The following STS variants were observed in gnomAD, a reference collection of about 807,000 sequenced individuals.
The protein encoded by STS is steryl-sulfatase.
Under a neutral mutation model 26.8 loss-of-function variants are expected in STS, and 7 were observed. That is an observed-to-expected ratio of 0.26 (90% CI 0.15 to 0.49). The LOEUF (loss-of-function observed/expected upper bound fraction) is 0.49. Ranked by LOEUF, STS falls within the 20% of genes least tolerant of loss-of-function variation. The pLI, the probability that STS is intolerant of heterozygous loss-of-function variation, is 0.98. For synonymous variants in STS, 199 were observed against 189.4 expected (o/e 1.05, Z -0.42); for missense variants, 434 against 465.6 (o/e 0.93, Z 0.63).
At chrX:7,183,492 C>A (rs757785783) in intron 1 of STS, among the ~76,000 whole-genome samples, 15 of 112,060 alleles carry the variant, frequency 1.3e-4, no homozygotes, top group Non-Finnish European at 2.4e-4. Flanking sequence ...ACTCACTGAA[C>A]TAGAATTTGA....
In STS at chrX:7,224,494, A is replaced by T. The variant is rs774801162; in HGVS notation, c.-4-28702A>T. Among the ~76,000 whole-genome samples the T allele has an allele frequency of 2.7e-5, 3 of 111,316 alleles. No individual in the cohort carries two copies. In the South Asian group the frequency reaches 1.2e-3, roughly 44 times the overall value. On this transcript the variant is annotated intron_variant, in intron 2 of 10. Transcript: ENST00000674429. ...AGGGGCCTTTGGAATGTGATTAATC[A>T]TGAGGGGTTTGTCCTGAAAAATGGG...
intron 1 of STS, among the ~76,000 whole-genome samples, chrX:7,181,586 C>A (rs1318977490): frequency 3.6e-5 from 4 of 111,735 alleles, no homozygotes; most frequent in Non-Finnish European, 5.6e-5. Flanking sequence ...GGACTGTGAA[C>A]CTGGGCATCC....
At chrX:7,208,138 A>G (rs1920963580) in intron 2 of STS, among the ~76,000 whole-genome samples, 1 of 112,799 alleles carries the variant, frequency 8.9e-6, no homozygotes, top group Non-Finnish European at 1.9e-5. Flanking sequence ...GAAATACAGT[A>G]AAAATATGAG....
chrX:7,312,518 A>T (rs1359398207), intron 8 of STS, among the ~76,000 whole-genome samples: 1 of 111,036 alleles, frequency 9.0e-6, no homozygotes, highest in Non-Finnish European at 1.9e-5. Context: ...TCTCATCTTG[A>T]ATTGTAGCTC....
rs771796896 is a variant in STS at position 7,167,946 on chromosome X, A to G, written c.-134+19863A>G. Reference sequence around the variant, plus strand: ...TGGCCTGAAGTGATCCTCTCATCTCAGCCTCCCAAAATGCTGGGATTACAG... The same window carrying G: ...TGGCCTGAAGTGATCCTCTCATCTCGGCCTCCCAAAATGCTGGGATTACAG... On this transcript the variant is annotated intron_variant, in intron 1 of 10. Coordinates refer to ENST00000674429, the MANE Select transcript of STS (RefSeq NM_001320752.2). Among the ~76,000 whole-genome samples the G allele has an allele frequency of 1.7e-4, 19 of 110,421 alleles. No homozygotes were observed. In the South Asian group the frequency reaches 7.4e-3, roughly 43 times the overall value.
chrX:7,287,543 G>A (rs899172375), intron 7 of STS, among the ~76,000 whole-genome samples: 5 of 110,326 alleles, frequency 4.5e-5, no homozygotes, highest in African/African-American at 1.3e-4. Flanking sequence ...TTTTCTTTTC[G>A]CTCAACTATC....
intron 9 of STS, among the ~76,000 whole-genome samples, chrX:7,332,944 G>C (rs969031742): frequency 9.0e-6 from 1 of 111,636 alleles, no homozygotes; most frequent in Non-Finnish European, 1.9e-5. Flanking sequence ...TAATAACAAG[G>C]GTTGAGACCG....
chrX:7,239,463 T>C (rs1320303383), intron 2 of STS, among the ~76,000 whole-genome samples: 2 of 112,133 alleles, frequency 1.8e-5, no homozygotes, highest in African/African-American at 6.5e-5. Flanking sequence ...TGGTTAAAGT[T>C]TCTGTTACGT....
intron 8 of STS, among the ~76,000 whole-genome samples, chrX:7,306,689 T>C (rs972569947): frequency 6.3e-5 from 7 of 111,515 alleles, no homozygotes. Flanking sequence ...AGAGCCTCAC[T>C]TGGCTGAGGG....
At chrX:7,347,381 A>G (rs1418756560) in intron 10 of STS, among the ~76,000 whole-genome samples, 19 of 112,182 alleles carry the variant, frequency 1.7e-4, no homozygotes, top group Non-Finnish European at 7.5e-5. Context: ...AAATGAAAGG[A>G]TAAAAAGGCA....
At chrX:7,198,138 A>G (rs1030696041) in intron 2 of STS, among the ~76,000 whole-genome samples, 1 of 111,615 alleles carries the variant, frequency 9.0e-6, no homozygotes, top group South Asian at 3.8e-4. Context: ...TTGAATGCAC[A>G]CAGAGCCAGT....
chrX:7,203,909 C>T (rs189758578), intron 2 of STS, among the ~76,000 whole-genome samples: 1 of 111,235 alleles, frequency 9.0e-6, no homozygotes, highest in Non-Finnish European at 1.9e-5. Flanking sequence ...CTCAGCTTCC[C>T]AAGTAGGTGG....
At chrX:7,314,197 A>G (rs1248246806) in intron 8 of STS, among the ~76,000 whole-genome samples, 1 of 111,666 alleles carries the variant, frequency 9.0e-6, no homozygotes, top group African/African-American at 3.3e-5. Context: ...TCTAAAAAAC[A>G]GATTTAAAAA....
intron 8 of STS, 111 bp from the exon 9 acceptor site, chrX:7,325,228 G>C (rs1396184171): frequency 1.4e-5 from 11 of 787,280 alleles, no homozygotes; most frequent in Middle Eastern, 5.6e-4. Context: ...TGGAATCTAT[G>C]TAATTAGAGC....
intron 8 of STS, among the ~76,000 whole-genome samples, chrX:7,322,493 C>T (rs1008574058): frequency 3.6e-5 from 4 of 111,649 alleles, no homozygotes; most frequent in Non-Finnish European, 5.7e-5. Flanking sequence ...CTCCACCTCC[C>T]GGGTTCAAGC....
chrX:7,315,631 C>T (rs1288866454), intron 8 of STS, among the ~76,000 whole-genome samples: 4 of 111,263 alleles, frequency 3.6e-5, no homozygotes, highest in African/African-American at 6.5e-5. Flanking sequence ...GGTCTGTGGT[C>T]GAAGGTCCGA....
At chrX:7,194,526 G>A (rs1039599786) in intron 2 of STS, among the ~76,000 whole-genome samples, 9 of 110,944 alleles carry the variant, frequency 8.1e-5, no homozygotes, top group East Asian at 2.8e-4. Context: ...CCTTGGGGCC[G>A]TTCATTAGTT....
At chrX:7,273,779 TAA>T (rs755327221) in intron 6 of STS, among the ~76,000 whole-genome samples, 1 of 107,317 alleles carries the variant, frequency 9.3e-6, no homozygotes, top group South Asian at 4.0e-4. Flanking sequence ...TTTCTCCTAT[TAA>T]AAAAAAAAGA....
chrX:7,157,962 A>G (rs1436422431), intron 1 of STS, among the ~76,000 whole-genome samples: 1 of 112,061 alleles, frequency 8.9e-6, no homozygotes, highest in Non-Finnish European at 1.9e-5. Context: ...ATAACCAGGA[A>G]CCCTATGGAT....
Sources: gnomAD v4.1 joint callset for allele counts (sites outside exome capture counted in the v4.1 genomes callset) on GRCh38, gnomAD v4.1.1 for gene constraint, MANE v1.5 for transcripts, NCBI Gene and HGNC (gene_info 2026-07-23, HGNC 2026-07-21) for gene names.